Variants in PALLD observed in about 807,000 individuals in gnomAD.
The protein encoded by PALLD is palladin, cytoskeletal associated protein.
Under a neutral mutation model 123.5 loss-of-function variants are expected in PALLD, and 61 were observed. The ratio of observed to expected loss-of-function variants is 0.49; its 90% CI spans 0.40 to 0.61. The LOEUF (loss-of-function observed/expected upper bound fraction) is 0.61, where lower values mean the gene tolerates loss of function less well. PALLD is among the 20% of genes least tolerant of loss of function. The pLI, the probability that PALLD is intolerant of heterozygous loss-of-function variation, is 0.00. For missense variants in PALLD, 1,273 were observed against 1,377.0 expected (o/e 0.92, Z 1.20); for synonymous variants, 465 against 496.4 (o/e 0.94, Z 0.84).
chr4:168,924,905 A>G, intron 19 of PALLD, 40 bp from the exon 20 acceptor site: 1 of 1,612,624 alleles, frequency 6.2e-7, no homozygotes, highest in South Asian at 1.1e-5. Context: ...AGCCACTTTT[A>G]AAAAATTTAG....
At chr4:168,689,335 C>G (rs766138693) in intron 6 of PALLD, among the ~76,000 whole-genome samples, 5 of 150,980 alleles carry the variant, frequency 3.3e-5, no homozygotes, top group Non-Finnish European at 7.4e-5. Flanking sequence ...ATTCACACTT[C>G]CTAATGAATG....
intron 10 of PALLD, among the ~76,000 whole-genome samples, chr4:168,827,259 G>A (rs187708428): frequency 6.6e-6 from 1 of 152,334 alleles, no homozygotes; most frequent in East Asian, 1.9e-4. Flanking sequence ...CAAAGTATGA[G>A]TTGTCCTCGG....
chr4:168,879,421 A>C (rs1328306051), intron 10 of PALLD, among the ~76,000 whole-genome samples: 4 of 152,164 alleles, frequency 2.6e-5, no homozygotes, highest in African/African-American at 9.7e-5. Context: ...CCCATATCTC[A>C]ACTCTTCCTT....
intron 2 of PALLD, among the ~76,000 whole-genome samples, chr4:168,594,299 G>A (rs140700421): frequency 7.2e-5 from 11 of 152,122 alleles, no homozygotes; most frequent in African/African-American, 1.4e-4. Context: ...ATAAATAGAC[G>A]TGGATACAAG....
At chr4:168,812,336 T>C (rs1329100278) in intron 10 of PALLD, among the ~76,000 whole-genome samples, 1 of 152,176 alleles carries the variant, frequency 6.6e-6, no homozygotes, top group Non-Finnish European at 1.5e-5. Context: ...TTCTGTTTAT[T>C]GCTTCATGAA....
intron 10 of PALLD, among the ~76,000 whole-genome samples, chr4:168,865,396 A>C (rs957196572): frequency 1.3e-5 from 2 of 152,212 alleles, no homozygotes; most frequent in African/African-American, 4.8e-5. Flanking sequence ...CAAGCCCTGC[A>C]TTCACACCAC....
intron 2 of PALLD, chr4:168,631,872 G>C: frequency 8.1e-6 from 8 of 985,504 alleles, no homozygotes; most frequent in Non-Finnish European, 9.6e-6. Flanking sequence ...GTTTGGGAGT[G>C]GGGGCAGACG....
At position 168,878,370 on chromosome 4, in the gene PALLD, G is replaced by C. The variant is rs557697540; in HGVS notation, c.1965-12552G>C. The stretch of plus-strand genomic sequence containing the variant: ...CCGCCGGCGGCCGTCAACGCCCTGG[G>C]GCTGCCCAAGGGTGTCACCCCCGCG... On this transcript the variant is annotated intron_variant, in intron 10 of 21. Transcript: ENST00000505667. The C allele has an allele frequency of 3.0e-5, 46 of 1,514,546 alleles. 3 individuals are homozygous for C. In the South Asian group the frequency reaches 4.5e-4, roughly 15 times the overall value. The allele number at this position is 1,514,546 out of a possible 1,614,324, so 93.8% of individuals were successfully genotyped here. A position where few individuals can be genotyped will look rare whatever the true frequency, so the allele number is the denominator to read the frequency against.
intron 2 of PALLD, among the ~76,000 whole-genome samples, chr4:168,540,396 T>C (rs964136994): frequency 2.6e-5 from 4 of 152,180 alleles, no homozygotes; most frequent in Non-Finnish European, 5.9e-5. Context: ...CTAGGCTTCT[T>C]TCTGTTTCCG....
chr4:168,636,999 C>T (rs1189664442), intron 2 of PALLD, among the ~76,000 whole-genome samples: 1 of 152,100 alleles, frequency 6.6e-6, no homozygotes, highest in African/African-American at 2.4e-5. Flanking sequence ...TAAGAGAGAT[C>T]AGAAAACTGG....
At chr4:168,553,547 T>C (rs1162308549) in intron 2 of PALLD, among the ~76,000 whole-genome samples, 1 of 152,206 alleles carries the variant, frequency 6.6e-6, no homozygotes, top group Non-Finnish European at 1.5e-5. Context: ...AAGATAACTC[T>C]GTCTGCCTAC....
intron 10 of PALLD, among the ~76,000 whole-genome samples, chr4:168,821,484 T>C (rs1227558191): frequency 6.6e-6 from 1 of 152,146 alleles, no homozygotes; most frequent in Non-Finnish European, 1.5e-5. Context: ...TGGGTATATA[T>C]ATGTATGTAC....
chr4:168,821,047 C>G (rs1174175507), intron 10 of PALLD, among the ~76,000 whole-genome samples: 1 of 152,174 alleles, frequency 6.6e-6, no homozygotes, highest in African/African-American at 2.4e-5. Flanking sequence ...AAGTCGCATG[C>G]TTTGCTTGTC....
intron 10 of PALLD, among the ~76,000 whole-genome samples, chr4:168,724,189 T>A (rs1786315962): frequency 6.6e-6 from 1 of 152,256 alleles, no homozygotes; most frequent in Non-Finnish European, 1.5e-5. Context: ...TTAAAATGAT[T>A]GTTCTCAACT....
rs1270816114 is a variant in PALLD at position 168,813,073 on chromosome 4, G to C, written c.1965-77849G>C. Among the ~76,000 whole-genome samples, 4 of 147,756 alleles carry C rather than the reference G, an allele frequency of 2.7e-5. No homozygotes were observed. The East Asian group carries it at 7.9e-4, about 29-fold the overall frequency. ...AGTGTCCCTGTGGTTCTTTAAGTCT[G>C]GAATTTTTCTTTCTTTTGAAAAACG... On this transcript the variant is annotated intron_variant, in intron 10 of 21. Coordinates refer to ENST00000505667, the MANE Select transcript of PALLD (RefSeq NM_001166108.2).
chr4:168,705,679 C>T (rs1784154531), intron 8 of PALLD, among the ~76,000 whole-genome samples: 1 of 152,104 alleles, frequency 6.6e-6, no homozygotes, highest in Non-Finnish European at 1.5e-5. Flanking sequence ...TTTTGTTGCC[C>T]AGGCTGGAGT....
chr4:168,584,051 T>A (rs1247186202), intron 2 of PALLD, among the ~76,000 whole-genome samples: 1 of 152,172 alleles, frequency 6.6e-6, no homozygotes, highest in East Asian at 1.9e-4. Flanking sequence ...AAATGGCACA[T>A]AAAGTGTCTA....
At chr4:168,905,006 A>G (rs1182252068) in intron 15 of PALLD, among the ~76,000 whole-genome samples, 1 of 151,978 alleles carries the variant, frequency 6.6e-6, no homozygotes, top group African/African-American at 2.4e-5. Context: ...AGGCACCTGT[A>G]ATCCCAGCTA....
chr4:168,928,007 T>C lies in PALLD; in HGVS notation c.*1827T>C, dbSNP rs191203497. Reference sequence around the variant, plus strand: ...TTATATCTGTGTACCACCCCATATATTTCATATTACTGTTTCACATGTACA... The same window carrying C: ...TTATATCTGTGTACCACCCCATATACTTCATATTACTGTTTCACATGTACA... On this transcript the variant is annotated 3_prime_UTR_variant, in exon 22 of 22. Coordinates refer to ENST00000505667, the MANE Select transcript of PALLD (RefSeq NM_001166108.2). The C allele has an allele frequency of 1.5e-5, 3 of 195,424 alleles. No homozygotes were observed. The highest frequency in any genetic ancestry group is 6.1e-5 in the Admixed American group (1 of 16,418). The allele number at this position is 195,424 out of a possible 1,614,324, so 12.1% of individuals were successfully genotyped here.
Sources: allele counts gnomAD v4.1 joint callset (sites outside exome capture counted in the v4.1 genomes callset), GRCh38; gene constraint gnomAD v4.1.1; transcripts MANE v1.5; gene names NCBI Gene and HGNC (gene_info 2026-07-23, HGNC 2026-07-21).